The following LRIF1 variants were observed in gnomAD, a reference collection of about 807,000 sequenced individuals.
The protein encoded by LRIF1 is ligand dependent nuclear receptor interacting factor 1, also known as ligand-dependent nuclear receptor-interacting factor 1.
Under a neutral mutation model 52.7 loss-of-function variants are expected in LRIF1, and 32 were observed. That is an observed-to-expected ratio of 0.61 (90% CI 0.46 to 0.82). The LOEUF (loss-of-function observed/expected upper bound fraction) is 0.82, where lower values mean the gene tolerates loss of function less well. LRIF1 is among the 40% of genes least tolerant of loss of function. The pLI is 0.00. For missense variants in LRIF1, 887 were observed against 892.0 expected, an observed-to-expected ratio of 0.99 and a Z score of 0.07; for synonymous variants, 323 against 317.4, an observed-to-expected ratio of 1.02 and a Z score of -0.19.
At chr1:110,891,541 GAA>G in the LRIF1 span, 2 of 1,200,078 alleles carry the variant, frequency 1.7e-6, no homozygotes, top group African/African-American at 1.5e-5. Context: ...TTCCTCTACT[GAA>G]GAGGCTGGTG....
chr1:110,912,488 A>G, the LRIF1 span, among the ~76,000 whole-genome samples: 1 of 152,218 alleles, frequency 6.6e-6, no homozygotes, highest in Non-Finnish European at 1.5e-5. Flanking sequence ...CTGGGATTAC[A>G]GGTGTGAGCC....
intron 1 of LRIF1, among the ~76,000 whole-genome samples, chr1:110,961,205 C>CGA (rs1179108623): frequency 6.6e-6 from 1 of 152,170 alleles, no homozygotes; most frequent in Admixed American, 6.5e-5. Flanking sequence ...TACATCAACT[C>CGA]TACTTTCCTC....
At chr1:110,904,018 T>C in the LRIF1 span, among the ~76,000 whole-genome samples, 1 of 152,168 alleles carries the variant, frequency 6.6e-6, no homozygotes. Flanking sequence ...GTGGTGGTAG[T>C]GGCTACAGGG....
the LRIF1 span, among the ~76,000 whole-genome samples, chr1:110,897,511 A>G: frequency 1.3e-5 from 2 of 152,206 alleles, no homozygotes; most frequent in Non-Finnish European, 2.9e-5. Context: ...GAGTGTTCAA[A>G]GACAGTAGGA....
chr1:110,890,781 C>T, the LRIF1 span, among the ~76,000 whole-genome samples: 1 of 152,186 alleles, frequency 6.6e-6, no homozygotes, highest in Non-Finnish European at 1.5e-5. Context: ...TTTATCTTTG[C>T]TGTAAGACTG....
At position 110,948,133 on chromosome 1, in the gene LRIF1, T is replaced by C; in HGVS notation, c.2136A>G (p.Ala712=). 6.2e-7 allele frequency: 1 copy of C among 1,614,154 alleles called. No individual in the cohort carries two copies. Among genetic ancestry groups the C allele is most frequent in the Non-Finnish European group, 8.5e-7 (1 of 1,180,004 alleles). ...TGAAGAAATGACTTTGTTCATAAGC[T>C]GCATTTGAATTCAAAGTGCCTTTCT... The part of the protein sequence containing the change: ...KQEKGTLNSN[A]AYEQSHFFNK... The change falls in exon 4 of 4, where the codon GCA becomes GCG. Residue 712 remains alanine (A), a synonymous_variant. Transcript: ENST00000369763.
the LRIF1 span, among the ~76,000 whole-genome samples, chr1:110,908,167 A>C: frequency 3.9e-5 from 6 of 152,252 alleles, no homozygotes; most frequent in Non-Finnish European, 7.3e-5. Context: ...ATTTCAAGTG[A>C]ATTAAATATT....
chr1:110,915,185 G>A, the LRIF1 span, among the ~76,000 whole-genome samples: 2 of 152,266 alleles, frequency 1.3e-5, no homozygotes, highest in South Asian at 4.1e-4. Flanking sequence ...ACAATAAAAA[G>A]GCTATAAAAT....
At chr1:110,922,615 G>T in the LRIF1 span, among the ~76,000 whole-genome samples, 1 of 152,116 alleles carries the variant, frequency 6.6e-6, no homozygotes, top group Non-Finnish European at 1.5e-5. Context: ...AAAGTTATCC[G>T]TCCAATATGA....
At chr1:110,925,882 C>T in the LRIF1 span, among the ~76,000 whole-genome samples, 7 of 151,704 alleles carry the variant, frequency 4.6e-5, no homozygotes, top group East Asian at 1.4e-3. Flanking sequence ...TAACAATAAT[C>T]AGGTAGAAAA....
intron 1 of LRIF1, chr1:110,963,312 A>C (rs1474977781): frequency 4.9e-6 from 1 of 205,044 alleles, no homozygotes; most frequent in African/African-American, 2.3e-5. Flanking sequence ...AGAAGGTTTG[A>C]GTCACATAAG....
chr1:110,957,117 A>C lies in LRIF1; in HGVS notation c.69-4302T>G, dbSNP rs572393479. On this transcript the variant is annotated intron_variant, in intron 1 of 3. Coordinates refer to ENST00000369763, the MANE Select transcript of LRIF1 (RefSeq NM_018372.4). Reference sequence around the variant, plus strand: ...CTAAGCATTCTCCTTTAACTATCCCACATTTCTTGACCCTGTTTTTCTCCT... The same window carrying C: ...CTAAGCATTCTCCTTTAACTATCCCCCATTTCTTGACCCTGTTTTTCTCCT... Among the ~76,000 whole-genome samples, 9 of 151,882 alleles carry C rather than the reference A, an allele frequency of 5.9e-5. No individual in the cohort carries two copies. The East Asian group carries it at 1.7e-3, about 29-fold the overall frequency.
At chr1:110,910,098 T>G in the LRIF1 span, among the ~76,000 whole-genome samples, 2 of 151,756 alleles carry the variant, frequency 1.3e-5, no homozygotes, top group Non-Finnish European at 2.9e-5. Context: ...ACTTCAGCAC[T>G]CCACTGACAG....
At chr1:110,932,694 A>G in the LRIF1 span, among the ~76,000 whole-genome samples, 11 of 152,220 alleles carry the variant, frequency 7.2e-5, no homozygotes, top group African/African-American at 2.6e-4. Context: ...CAAAGCTGCT[A>G]TCTTTCTGTT....
At chr1:110,961,349 T>G (rs1461667970) in intron 1 of LRIF1, among the ~76,000 whole-genome samples, 1 of 152,252 alleles carries the variant, frequency 6.6e-6, no homozygotes, top group Non-Finnish European at 1.5e-5. Flanking sequence ...ATGTTTAAAC[T>G]GTATTGATAG....
chr1:110,931,419 A>G, the LRIF1 span, among the ~76,000 whole-genome samples: 1 of 152,136 alleles, frequency 6.6e-6, no homozygotes, highest in Non-Finnish European at 1.5e-5. Context: ...AATCTTTGCT[A>G]TTGTGAATAG....
At chr1:110,878,776 G>C in the LRIF1 span, among the ~76,000 whole-genome samples, 1 of 152,046 alleles carries the variant, frequency 6.6e-6, no homozygotes. Context: ...GCCTTTTATT[G>C]CTGGGATTTT....
chr1:110,895,237 T>A, the LRIF1 span, among the ~76,000 whole-genome samples: 1 of 152,214 alleles, frequency 6.6e-6, no homozygotes, highest in Non-Finnish European at 1.5e-5. Flanking sequence ...AGTACAAAGT[T>A]CTCTACATTC....
intron 3 of LRIF1, 112 bp downstream of exon 3, chr1:110,949,739 G>C: frequency 8.3e-7 from 1 of 1,202,764 alleles, no homozygotes; most frequent in East Asian, 2.4e-5. Flanking sequence ...TGCAAAACCA[G>C]TAACAACCAT....
Sources: allele counts gnomAD v4.1 joint callset (sites outside exome capture counted in the v4.1 genomes callset), GRCh38; gene constraint gnomAD v4.1.1; transcripts MANE v1.5; gene names NCBI Gene and HGNC (gene_info 2026-07-23, HGNC 2026-07-21).